Variants in PLCG2 observed in about 807,000 individuals in gnomAD.
PLCG2 encodes the protein phospholipase C gamma 2.
PLCG2 carries 69 observed loss-of-function variants against 175.6 expected under a neutral mutation model. The ratio of observed to expected loss-of-function variants is 0.39; its 90% CI spans 0.32 to 0.48. The LOEUF is 0.48. Ranked by LOEUF, PLCG2 falls within the 20% of genes least tolerant of loss-of-function variation. The pLI is 0.91. For missense variants in PLCG2, 1,798 were observed against 1,650.9 expected (o/e 1.09, Z -1.54); for synonymous variants, 827 against 624.0 (o/e 1.33, Z -4.85).
intron 1 of PLCG2, among the ~76,000 whole-genome samples, chr16:81,755,050 C>A (rs1456543967): frequency 6.6e-6 from 1 of 152,224 alleles, no homozygotes; most frequent in South Asian, 2.1e-4. Flanking sequence ...TCTGGAAATC[C>A]TCACTTCCTC....
intron 2 of PLCG2, among the ~76,000 whole-genome samples, chr16:81,761,143 C>T (rs1358109374): frequency 2.0e-5 from 3 of 152,158 alleles, no homozygotes; most frequent in Non-Finnish European, 4.4e-5. Context: ...GTGATCCTCC[C>T]ACCTTAGCCT....
rs113237990 is a variant in PLCG2, at chr16:81,953,503, C to G, written c.3571-3192C>G. Among the ~76,000 whole-genome samples, 614 of 152,086 alleles carry G rather than the reference C, an allele frequency of 4.0e-3. 6 individuals carry two copies. The highest frequency in any genetic ancestry group is 0.014 in the African/African-American group (589 of 41,494). On this transcript the variant is annotated intron_variant, in intron 31 of 32. Coordinates refer to ENST00000564138, the MANE Select transcript of PLCG2 (RefSeq NM_002661.5). ...TTTTTTTGTGTATTTTTCCCCCCAA[C>G]AAACAGGAGAAAAACTAAAGGCAGA...
chr16:81,770,951 G>C (rs1309238112), intron 2 of PLCG2, among the ~76,000 whole-genome samples: 1 of 151,722 alleles, frequency 6.6e-6, no homozygotes, highest in Non-Finnish European at 1.5e-5. Context: ...CCAGCTACTC[G>C]GGAGGCTGAG....
chr16:81,794,189 A>G (rs1366964801), intron 2 of PLCG2, among the ~76,000 whole-genome samples: 2 of 152,148 alleles, frequency 1.3e-5, no homozygotes, highest in Non-Finnish European at 2.9e-5. Flanking sequence ...CAGCCTGGAA[A>G]AGGGCTGTTG....
intron 2 of PLCG2, among the ~76,000 whole-genome samples, chr16:81,813,276 C>T (rs1904398091): frequency 6.6e-6 from 1 of 152,210 alleles, no homozygotes; most frequent in Admixed American, 6.5e-5. Flanking sequence ...TGGCCATTTT[C>T]ACCATATTGA....
At position 81,854,458 on chromosome 16, in the gene PLCG2, A is replaced by G. The variant is rs756113383; in HGVS notation, c.208A>G (p.Ile70Val). 3 of 1,614,156 alleles carry G rather than the reference A, an allele frequency of 1.9e-6. No individual in the cohort carries two copies. The highest frequency in any genetic ancestry group is 8.5e-7 in the Non-Finnish European group (1 of 1,179,964). Residue 70 changes from isoleucine to valine, a missense_variant, in exon 3 of 33, where the codon ATA becomes GTA. Ile to Val is a conservative substitution (Grantham distance 29, BLOSUM62 3). Transcript: ENST00000564138. ...KIEGFLDIME[I>V]KEIRPGKNSK... The stretch of plus-strand genomic sequence containing the variant: ...TTTCATTTTAGTGGATATCATGGAA[A>G]TAAAAGAAATCCGCCCAGGGAAGAA...
chr16:81,955,277 G>A (rs529803147), intron 31 of PLCG2, among the ~76,000 whole-genome samples: 11 of 152,210 alleles, frequency 7.2e-5, no homozygotes, highest in Non-Finnish European at 1.5e-4. Context: ...TATGGTCTGA[G>A]TCCGTGTTTT....
At chr16:81,941,522 C>T (rs999188436) in intron 30 of PLCG2, among the ~76,000 whole-genome samples, 3 of 151,660 alleles carry the variant, frequency 2.0e-5, no homozygotes, top group African/African-American at 7.3e-5. Context: ...TAGCAAGTTA[C>T]TAGATGAAAC....
In PLCG2 at chr16:81,869,193, CT is replaced by C. The variant is rs1907391923; in HGVS notation, c.480-20del. On this transcript the variant is annotated intron_variant, in intron 5 of 32. Coordinates refer to ENST00000564138, the MANE Select transcript of PLCG2 (RefSeq NM_002661.5). Reference sequence around the variant, plus strand: ...GTTGAAAACCCTCAAGGTGACAGAACTGGGTCTCCCTCTTTTGCAGCATCAG... The same window carrying C: ...GTTGAAAACCCTCAAGGTGACAGAACGGGTCTCCCTCTTTTGCAGCATCAG... The C allele has an allele frequency of 6.2e-7, 1 of 1,600,488 alleles. No homozygotes were observed. Among genetic ancestry groups the C allele is most frequent in the South Asian group, 1.1e-5 (1 of 90,800 alleles).
intron 24 of PLCG2, among the ~76,000 whole-genome samples, chr16:81,930,657 A>G (rs1172186407): frequency 6.6e-6 from 1 of 150,430 alleles, no homozygotes; most frequent in Non-Finnish European, 1.5e-5. Context: ...CTGAGGTGGG[A>G]GGATCGCATG....
intron 1 of PLCG2, among the ~76,000 whole-genome samples, chr16:81,743,865 C>CT (rs200988694): frequency 0.29 from 42,919 of 146,636 alleles, 7,211 homozygotes; most frequent in East Asian, 0.66. Context: ...TTTTCTTTTT[C>CT]TTTTTTTTTT....
intron 8 of PLCG2, among the ~76,000 whole-genome samples, chr16:81,881,459 C>T (rs1449258550): frequency 6.6e-6 from 1 of 152,150 alleles, no homozygotes; most frequent in Non-Finnish European, 1.5e-5. Flanking sequence ...CATGATTTCC[C>T]AAGTGGGGAA....
chr16:81,818,214 G>A (rs1045759567), intron 2 of PLCG2, among the ~76,000 whole-genome samples: 1 of 152,206 alleles, frequency 6.6e-6, no homozygotes, highest in Non-Finnish European at 1.5e-5. Flanking sequence ...CACTGGTGAG[G>A]TCCTTTCTGC....
chr16:81,872,217 A>T (rs548049635), intron 7 of PLCG2, among the ~76,000 whole-genome samples: 4 of 152,146 alleles, frequency 2.6e-5, no homozygotes, highest in Non-Finnish European at 5.9e-5. Context: ...AATCCCAGCT[A>T]CTTGGGAGGG....
At chr16:81,803,941 A>T (rs1437965316) in intron 2 of PLCG2, among the ~76,000 whole-genome samples, 2 of 152,192 alleles carry the variant, frequency 1.3e-5, no homozygotes, top group East Asian at 3.8e-4. Flanking sequence ...CTTGCCTCCC[A>T]GAGTGCTGGG....
intron 2 of PLCG2, among the ~76,000 whole-genome samples, chr16:81,830,097 A>T (rs1597342504): frequency 6.6e-6 from 1 of 151,916 alleles, no homozygotes; most frequent in Non-Finnish European, 1.5e-5. Flanking sequence ...AGGCAGGGGG[A>T]TCACTTGAGC....
intron 5 of PLCG2, among the ~76,000 whole-genome samples, chr16:81,864,808 T>C (rs1423648223): frequency 6.6e-6 from 1 of 152,086 alleles, no homozygotes; most frequent in African/African-American, 2.4e-5. Context: ...GTGCGGGAGT[T>C]GAAGAACCCT....
chr16:81,819,353 G>T (rs1415261366), intron 2 of PLCG2, among the ~76,000 whole-genome samples: 1 of 152,122 alleles, frequency 6.6e-6, no homozygotes, highest in Non-Finnish European at 1.5e-5. Flanking sequence ...CATTTCTGAG[G>T]CTTCATCTGG....
At position 81,786,173 on chromosome 16, in the gene PLCG2, G is replaced by T; in HGVS notation, c.184G>T (p.Glu62Ter). ...CTGGAGCAAGACCGCTGACAAGATC[G>T]AGGGCTTCTGTGAGTACTCGCTGGG... ...VAWSKTADKIEGFLDIMEIKE... is the reference protein window; with the variant it reads ...VAWSKTADKI The change falls in exon 2 of 33, where the codon GAG (glutamate) becomes TAG (stop). Residue 62 changes from glutamate (E) to a stop codon, truncating the protein, a stop_gained. Coordinates refer to ENST00000564138, the MANE Select transcript of PLCG2 (RefSeq NM_002661.5). LOFTEE classifies it high-confidence loss of function. 2 of 1,613,866 alleles carry T rather than the reference G, an allele frequency of 1.2e-6. No homozygotes were observed. The highest frequency in any genetic ancestry group is 1.7e-6 in the Non-Finnish European group (2 of 1,179,918).
Sources: allele counts gnomAD v4.1 joint callset (sites outside exome capture counted in the v4.1 genomes callset), GRCh38; gene constraint gnomAD v4.1.1; transcripts MANE v1.5; gene names NCBI Gene and HGNC (gene_info 2026-07-23, HGNC 2026-07-21).